MYO10: variants seen among roughly 807,000 people sequenced by gnomAD.
MYO10 encodes unconventional myosin-X.
MYO10 carries 133 observed loss-of-function variants against 257.3 expected under a neutral mutation model. That is an observed-to-expected ratio of 0.52 (90% CI 0.45 to 0.60). MYO10 has a LOEUF of 0.60. MYO10 is among the 20% of genes least tolerant of loss of function. MYO10 has a pLI of 0.00. For missense variants in MYO10, 2,399 were observed against 2,635.7 expected (o/e 0.91, Z 1.97); for synonymous variants, 1,104 against 1,028.6 (o/e 1.07, Z -1.40).
chr5:16,794,357 A>C (rs1043041587), intron 4 of MYO10, among the ~76,000 whole-genome samples: 1 of 151,024 alleles, frequency 6.6e-6, no homozygotes, highest in Non-Finnish European at 1.5e-5. Context: ...AAATCAAAGA[A>C]TAATTAAGGC....
chr5:16,748,785 C>T (rs1395025805), intron 19 of MYO10, among the ~76,000 whole-genome samples: 1 of 152,162 alleles, frequency 6.6e-6, no homozygotes, highest in Non-Finnish European at 1.5e-5. Flanking sequence ...AGAGCTCTCA[C>T]TGCATGTGTG....
intron 9 of MYO10, 27 bp from the exon 10 acceptor site, chr5:16,769,230 TTA>T: frequency 2.6e-6 from 4 of 1,561,032 alleles, no homozygotes; most frequent in Non-Finnish European, 3.5e-6. Flanking sequence ...GTATTTAATT[TTA>T]TGTCGTTTTT....
At chr5:16,830,397 C>T (rs1743128608) in intron 2 of MYO10, among the ~76,000 whole-genome samples, 1 of 152,040 alleles carries the variant, frequency 6.6e-6, no homozygotes, top group Non-Finnish European at 1.5e-5. Context: ...GGGACATCTA[C>T]TGCACAAAGA....
In MYO10 at chr5:16,768,112, A is replaced by G. The variant is rs562688011; in HGVS notation, c.1060+962T>C. ...CCAGACATTTGAGAATTACTGGCCT[A>G]CAGTTCTGGTCTCCTCTAGAACCAC... On this transcript the variant is annotated intron_variant, in intron 10 of 40. Transcript: ENST00000513610. 2.6e-4 allele frequency among the ~76,000 whole-genome samples: 40 copies of G among 152,308 alleles called. No homozygotes were observed. The South Asian group carries it at 8.3e-3, about 32-fold the overall frequency.
At chr5:16,856,261 A>G (rs1259932273) in intron 2 of MYO10, among the ~76,000 whole-genome samples, 1 of 152,222 alleles carries the variant, frequency 6.6e-6, no homozygotes, top group Non-Finnish European at 1.5e-5. Context: ...CAAATTCTAA[A>G]GAAAGACCTG....
chr5:16,754,122 A>T lies in MYO10; in HGVS notation c.1929+706T>A, dbSNP rs529137639. ...TTCTCACATAAGAAGCATTCCTAAG[A>T]GGCTGTTTGCTGAATCAAAATAATT... is the stretch of plus-strand genomic sequence containing the variant. On this transcript the variant is annotated intron_variant, in intron 19 of 40. Transcript: ENST00000513610. Among the ~76,000 whole-genome samples the T allele has an allele frequency of 2.5e-3, 381 of 152,336 alleles. 2 individuals are homozygous for T. Among genetic ancestry groups the T allele is most frequent in the Non-Finnish European group, 4.3e-3 (294 of 68,034 alleles).
At chr5:16,929,604 A>G (rs1402160188) in intron 1 of MYO10, among the ~76,000 whole-genome samples, 1 of 152,150 alleles carries the variant, frequency 6.6e-6, no homozygotes, top group Non-Finnish European at 1.5e-5. Flanking sequence ...GGGTATAATT[A>G]TAGAGCCTTT....
At chr5:16,686,133 G>A (rs1005576856) in intron 28 of MYO10, among the ~76,000 whole-genome samples, 1 of 144,482 alleles carries the variant, frequency 6.9e-6, no homozygotes, top group Non-Finnish European at 1.5e-5. Context: ...AGTTCCTTGA[G>A]AAATTAACAG....
chr5:16,765,082 A>T (rs1388779866), intron 11 of MYO10, among the ~76,000 whole-genome samples: 1 of 152,148 alleles, frequency 6.6e-6, no homozygotes, highest in Non-Finnish European at 1.5e-5. Flanking sequence ...TCTTCATAAT[A>T]TGGTCAGCAT....
chr5:16,818,399 T>TATATATATATATAC (rs1561000842), intron 2 of MYO10, among the ~76,000 whole-genome samples: 1 of 118,524 alleles, frequency 8.4e-6, no homozygotes, highest in African/African-American at 3.1e-5. Flanking sequence ...TGTGTGTGTG[T>TATATATATATATAC]GTGTGTGTGT....
chr5:16,671,532 T>C lies in MYO10; in HGVS notation c.5320A>G (p.Thr1774Ala). The change falls in exon 38 of 41, where the codon ACA becomes GCA. Residue 1774 changes from threonine to alanine, a missense_variant. Transcript: ENST00000513610. ...CATGGCAGGTCCCCAACCTCGGATG[T>C]GGCAGCCAGCCTACAGAGAGGAGTC... ...VLAKFEKLAA[T>A]SEVGDLPWKF... 1 of 1,613,978 alleles carries C rather than the reference T, an allele frequency of 6.2e-7. No individual in the cohort carries two copies. Among genetic ancestry groups the C allele is most frequent in the South Asian group, 1.1e-5 (1 of 91,082 alleles).
chr5:16,790,370 C>T (rs752433203), intron 4 of MYO10, among the ~76,000 whole-genome samples: 2 of 152,086 alleles, frequency 1.3e-5, no homozygotes, highest in Admixed American at 6.5e-5. Flanking sequence ...CTTAAGAAGT[C>T]ATATGTACTG....
intron 22 of MYO10, 58 bp from the exon 23 acceptor site, chr5:16,703,216 C>A: frequency 7.8e-7 from 1 of 1,289,032 alleles, no homozygotes; most frequent in South Asian, 1.4e-5. Context: ...TTGAGCTATT[C>A]AAATGAGCTC....
At chr5:16,710,215 T>C (rs1161912716) in intron 21 of MYO10, among the ~76,000 whole-genome samples, 3 of 152,194 alleles carry the variant, frequency 2.0e-5, no homozygotes, top group Non-Finnish European at 2.9e-5. Flanking sequence ...ATTGCTGTCT[T>C]TCCCATGTGA....
chr5:16,676,074 G>C lies in MYO10; in HGVS notation c.4623C>G (p.His1541Gln). The part of the protein sequence containing the change: ...PILRYTHHPL[H>Q]SPLLPLPYGD... ...CATACGGAAGGGGCAGGAGCGGGGA[G>C]TGCAAGGGGTGATGGGTGTATCGAA... Residue 1541 changes from histidine to glutamine, a missense_variant, in exon 34 of 41, where the codon CAC (histidine) becomes CAG (glutamine). This residue lies in a region of MYO10 where 1,820 missense variants were observed against 1,939.4 expected (regional missense o/e 0.94). Transcript: ENST00000513610. 6.2e-7 allele frequency: 1 copy of C among 1,613,362 alleles called. No individual in the cohort carries two copies. Among genetic ancestry groups the C allele is most frequent in the Non-Finnish European group, 8.5e-7 (1 of 1,179,654 alleles).
At position 16,935,879 on chromosome 5, in the gene MYO10, G is replaced by C; in HGVS notation, c.-71C>G. 6.3e-7 allele frequency: 1 copy of C among 1,584,218 alleles called. No individual in the cohort carries two copies. Among genetic ancestry groups the C allele is most frequent in the Non-Finnish European group, 8.6e-7 (1 of 1,163,704 alleles). ...GGAAGTCAGCGCCGCCGCGGGTCCG[G>C]GGAAACCATGCGTGTCACGGCGCCA... On this transcript the variant is annotated 5_prime_UTR_variant, in exon 1 of 41. Transcript: ENST00000513610.
At chr5:16,865,738 G>A (rs925866214) in intron 2 of MYO10, among the ~76,000 whole-genome samples, 1 of 151,794 alleles carries the variant, frequency 6.6e-6, no homozygotes, top group African/African-American at 2.4e-5. Context: ...TTGAACCCAG[G>A]AGGTGGAGGT....
intron 1 of MYO10, among the ~76,000 whole-genome samples, chr5:16,886,180 G>C (rs1197895783): frequency 6.6e-6 from 1 of 152,224 alleles, no homozygotes; most frequent in Non-Finnish European, 1.5e-5. Context: ...AAAGGATGCG[G>C]AGCTGAAGGA....
chr5:16,752,800 G>A lies in MYO10; in HGVS notation c.1929+2028C>T, dbSNP rs974788960. Among the ~76,000 whole-genome samples the A allele has an allele frequency of 2.0e-5, 3 of 152,128 alleles. No homozygotes were observed. In the East Asian group the frequency reaches 5.8e-4, roughly 29 times the overall value. The stretch of plus-strand genomic sequence containing the variant: ...ACCAAGTGGAACATAAACCAGCTAC[G>A]TGACATAGTGTTATCTATGGAGAGA... On this transcript the variant is annotated intron_variant, in intron 19 of 40. Coordinates refer to ENST00000513610, the MANE Select transcript of MYO10 (RefSeq NM_012334.3).
Sources: gnomAD v4.1 joint callset for allele counts (sites outside exome capture counted in the v4.1 genomes callset) on GRCh38, gnomAD v4.1.1 for gene constraint, gnomAD v4.1.1 regional missense constraint, MANE v1.5 for transcripts, NCBI Gene and HGNC (gene_info 2026-07-23, HGNC 2026-07-21) for gene names.